The following CACNA1C variants were observed in gnomAD, a reference collection of about 807,000 sequenced individuals.
CACNA1C encodes the protein voltage-dependent L-type calcium channel subunit alpha-1C.
A neutral mutation model predicts 229.0 loss-of-function variants in CACNA1C; 30 were observed. That is an observed-to-expected ratio of 0.13 (90% CI 0.10 to 0.18). The LOEUF is 0.18. Among genes scored for constraint, CACNA1C ranks in the 10% least tolerant of loss-of-function variants. The pLI, the probability that CACNA1C is intolerant of heterozygous loss-of-function variation, is 1.00. For synonymous variants in CACNA1C, 1,114 were observed against 1,132.5 expected, an observed-to-expected ratio of 0.98 and a Z score of 0.33; for missense variants, 1,658 against 2,845.0, an observed-to-expected ratio of 0.58 and a Z score of 9.49.
chr12:2,671,864 C>T (rs889119007), intron 38 of CACNA1C, among the ~76,000 whole-genome samples: 1 of 150,466 alleles, frequency 6.6e-6, no homozygotes, highest in East Asian at 1.9e-4. Context: ...CGAAACGCCC[C>T]CACCCAAGGG....
chr12:2,387,912 G>GGA (rs2098420555), intron 3 of CACNA1C, among the ~76,000 whole-genome samples: 1 of 152,168 alleles, frequency 6.6e-6, no homozygotes, highest in South Asian at 2.1e-4. Context: ...ATAAAACCAG[G>GGA]GAGCCCCCTT....
chr12:2,682,477 A>T, intron 42 of CACNA1C, 73 bp from the exon 43 acceptor site: 1 of 1,561,532 alleles, frequency 6.4e-7, no homozygotes, highest in Non-Finnish European at 8.7e-7. Context: ...TGCGTGTGTG[A>T]TGCTTTACTT....
intron 34 of CACNA1C, among the ~76,000 whole-genome samples, chr12:2,663,862 T>C (rs1460873458): frequency 2.7e-5 from 4 of 149,988 alleles, no homozygotes; most frequent in South Asian, 4.3e-4. Context: ...CTGCCTCAGC[T>C]TCCCAAGTAG....
chr12:2,634,277 G>A lies in CACNA1C; in HGVS notation c.3829-20G>A. The A allele has an allele frequency of 2.2e-6, 3 of 1,354,154 alleles. No individual in the cohort carries two copies. The highest frequency in any genetic ancestry group is 3.0e-6 in the Non-Finnish European group (3 of 1,002,038). The allele number at this position is 1,354,154 out of a possible 1,614,324, so 83.9% of individuals were successfully genotyped here. ...GTTGGTTCTTCTTCTCTCTCTCCCC[G>A]GCTGCTCTGCCCCATGCAGCACTAT... On this transcript the variant is annotated intron_variant, in intron 29 of 46. Transcript: ENST00000399655.
intron 3 of CACNA1C, among the ~76,000 whole-genome samples, chr12:2,185,302 C>G (rs182063332): frequency 6.6e-6 from 1 of 152,126 alleles, no homozygotes; most frequent in Non-Finnish European, 1.5e-5. Context: ...CTTCCTGCAC[C>G]GCTCCCCACC....
rs12302021 is a variant in CACNA1C at position 1,986,102 on chromosome 12, T to C, written c.139+14901T>C. On this transcript the variant is annotated intron_variant, in intron 1 of 46. Coordinates refer to the CACNA1C transcript ENST00000682462. ...TGCTGGGATTACAGGCGTGAGCCACTGCGCCCAGCCGTCAGTTCTATTTTC... is the reference window on the plus strand; with the variant it reads ...TGCTGGGATTACAGGCGTGAGCCACCGCGCCCAGCCGTCAGTTCTATTTTC... 4.2e-3 allele frequency among the ~76,000 whole-genome samples: 644 copies of C among 152,334 alleles called. 8 individuals carry two copies. The highest frequency in any genetic ancestry group is 0.014 in the African/African-American group (580 of 41,578).
intron 3 of CACNA1C, among the ~76,000 whole-genome samples, chr12:2,427,469 C>T (rs1022962746): frequency 6.6e-6 from 1 of 152,088 alleles, no homozygotes; most frequent in African/African-American, 2.4e-5. Flanking sequence ...GCCTGGGTGT[C>T]ACTGGATAGC....
chr12:2,017,513 T>A (rs1269538343), intron 1 of CACNA1C, among the ~76,000 whole-genome samples: 1 of 151,874 alleles, frequency 6.6e-6, no homozygotes, highest in African/African-American at 2.4e-5. Flanking sequence ...GTAATGTAGA[T>A]CATTAAGCTT....
At chr12:2,244,134 C>G (rs2071909998) in intron 3 of CACNA1C, among the ~76,000 whole-genome samples, 1 of 152,240 alleles carries the variant, frequency 6.6e-6, no homozygotes, top group Non-Finnish European at 1.5e-5. Context: ...GCTCTTGGCT[C>G]AGATTCATCT....
At chr12:2,581,561 G>A (rs2060507244) in intron 13 of CACNA1C, 29 bp from the exon 14 acceptor site, 2 of 1,534,378 alleles carry the variant, frequency 1.3e-6, no homozygotes, top group Non-Finnish European at 1.8e-6. Context: ...AAGGGGCAGA[G>A]TGCTGACCTC....
At chr12:2,317,729 T>G (rs1256187048) in intron 3 of CACNA1C, among the ~76,000 whole-genome samples, 1 of 152,156 alleles carries the variant, frequency 6.6e-6, no homozygotes, top group Non-Finnish European at 1.5e-5. Context: ...TGAATCCAGA[T>G]GAACAGAAGA....
At chr12:2,568,384 GC>G (rs1351894931) in intron 13 of CACNA1C, among the ~76,000 whole-genome samples, 3 of 152,158 alleles carry the variant, frequency 2.0e-5, no homozygotes, top group Non-Finnish European at 2.9e-5. Flanking sequence ...AAATGGTGCA[GC>G]CACCGTGGGA....
intron 3 of CACNA1C, among the ~76,000 whole-genome samples, chr12:2,266,424 T>C (rs1269000694): frequency 6.6e-6 from 1 of 152,246 alleles, no homozygotes; most frequent in Non-Finnish European, 1.5e-5. Flanking sequence ...CTCATGCTCC[T>C]TCTGCAGTGA....
At chr12:1,975,762 T>C (rs529244578) in intron 1 of CACNA1C, among the ~76,000 whole-genome samples, 48 of 152,182 alleles carry the variant, frequency 3.2e-4, no homozygotes, top group Non-Finnish European at 6.0e-4. Context: ...CAGCTGTAAA[T>C]CACCATATAT....
chr12:2,295,161 C>G (rs1396541325), intron 3 of CACNA1C, among the ~76,000 whole-genome samples: 2 of 152,156 alleles, frequency 1.3e-5, no homozygotes, highest in African/African-American at 4.8e-5. Context: ...CTTCAGTCCC[C>G]TTGTGAAGCC....
At chr12:2,441,102 C>T (rs1198455152) in intron 3 of CACNA1C, among the ~76,000 whole-genome samples, 14 of 152,174 alleles carry the variant, frequency 9.2e-5, no homozygotes, top group Admixed American at 9.2e-4. Flanking sequence ...GTCTTTTGCA[C>T]CTTGTACTGA....
Position 2,681,889 on chromosome 12 carries a change from A to G in CACNA1C, c.5445-661A>G, listed in dbSNP as rs74057328. 186 of 941,000 alleles carry G rather than the reference A, an allele frequency of 2.0e-4. No individual in the cohort carries two copies. In the African/African-American group the frequency reaches 2.8e-3, roughly 14 times the overall value. The allele number at this position is 941,000 out of a possible 1,614,324, so 58.3% of individuals were successfully genotyped here. ...CAAAGGGAGGCACTGAGCTGAGCTC[A>G]GACAGGAAAAGGAAGAGGCCTTGGT... On this transcript the variant is annotated intron_variant, in intron 42 of 46. Coordinates refer to ENST00000399655, the MANE Select transcript of CACNA1C (RefSeq NM_000719.7).
At chr12:2,197,855 T>G (rs2097456621) in intron 3 of CACNA1C, among the ~76,000 whole-genome samples, 1 of 152,186 alleles carries the variant, frequency 6.6e-6, no homozygotes, top group South Asian at 2.1e-4. Context: ...AATAAGCACC[T>G]ACTGATGGGT....
intron 3 of CACNA1C, among the ~76,000 whole-genome samples, chr12:2,187,848 C>A (rs1456679055): frequency 6.6e-6 from 1 of 152,216 alleles, no homozygotes; most frequent in Non-Finnish European, 1.5e-5. Context: ...GGGCTCCAGG[C>A]CCCTGACAGG....
Sources: allele counts gnomAD v4.1 joint callset (sites outside exome capture counted in the v4.1 genomes callset), GRCh38; gene constraint gnomAD v4.1.1; transcripts MANE v1.5; gene names NCBI Gene and HGNC (gene_info 2026-07-23, HGNC 2026-07-21).